The following GSDME variants were observed in gnomAD, a reference collection of about 807,000 sequenced individuals.
GSDME encodes the protein gasdermin E.
GSDME carries 44 observed loss-of-function variants against 47.5 expected under a neutral mutation model. The observed-to-expected ratio is 0.93, with a 90% CI of 0.73 to 1.19. The LOEUF (loss-of-function observed/expected upper bound fraction) is 1.19. Ranked by LOEUF, GSDME falls within the 50% of genes most tolerant of loss-of-function variation. The pLI is 0.00. For synonymous variants in GSDME, 258 were observed against 252.8 expected, an observed-to-expected ratio of 1.02 and a Z score of -0.20; for missense variants, 663 against 604.2, an observed-to-expected ratio of 1.10 and a Z score of -1.02.
At chr7:24,793,038 T>G in the GSDME span, among the ~76,000 whole-genome samples, 1 of 152,196 alleles carries the variant, frequency 6.6e-6, no homozygotes, top group Non-Finnish European at 1.5e-5. Context: ...TTTGCACCTA[T>G]TTTTATTAGT....
intron 3 of GSDME, among the ~76,000 whole-genome samples, chr7:24,720,631 T>C (rs1789741503): frequency 6.6e-6 from 1 of 152,300 alleles, no homozygotes; most frequent in Non-Finnish European, 1.5e-5. Context: ...AGAAATGAAG[T>C]TGGGCCGGGC....
chr7:24,700,968 G>A lies in GSDME; in HGVS notation c.1258-1709C>T, dbSNP rs570991596. Among the ~76,000 whole-genome samples the A allele has an allele frequency of 8.5e-5, 13 of 152,312 alleles. No homozygotes were observed. The South Asian group carries it at 2.7e-3, about 32-fold the overall frequency. On this transcript the variant is annotated intron_variant, in intron 9 of 9. Transcript: ENST00000645220. ...TATAAGGGGGAAACGGTGACCCAGA[G>A]GGTGGTGGAGTGAAGTTAACATTCT...
the GSDME span, among the ~76,000 whole-genome samples, chr7:24,788,062 C>T: frequency 6.6e-6 from 1 of 152,162 alleles, no homozygotes; most frequent in East Asian, 1.9e-4. The surrounding 1 kb of genome is among the most constrained non-coding windows in gnomAD (Gnocchi z 4.6). Context: ...TAAATGGGAG[C>T]CAAAAGCACT....
rs35002301 is a variant in GSDME, at chr7:24,711,815, CAAA to C, written c.698-1430_698-1428del. Among the ~76,000 whole-genome samples, 242 of 97,054 alleles carry C rather than the reference CAAA, an allele frequency of 2.5e-3. 1 individual carries two copies. Among genetic ancestry groups the C allele is most frequent in the African/African-American group, 7.4e-3 (201 of 27,016 alleles). 63.7% of individuals were successfully genotyped at this position (97,054 alleles called of 152,430 possible). ...GGGCAATAGAGCAAGACCTTGTCTC[CAAA>C]AAAAAAAAAAAAAAAGGCAAAGAAA... On this transcript the variant is annotated intron_variant, in intron 5 of 9. Coordinates refer to ENST00000645220, the MANE Select transcript of GSDME (RefSeq NM_001127453.2).
At chr7:24,713,439 A>G (rs1305796351) in intron 5 of GSDME, among the ~76,000 whole-genome samples, 1 of 152,176 alleles carries the variant, frequency 6.6e-6, no homozygotes, top group Admixed American at 6.5e-5. Context: ...TCACTTTAAA[A>G]TATCTTAGGA....
the GSDME span, among the ~76,000 whole-genome samples, chr7:24,769,378 C>G: frequency 6.6e-6 from 1 of 152,158 alleles, no homozygotes; most frequent in Non-Finnish European, 1.5e-5. Context: ...CAGAAAAACT[C>G]CCCTCATTCT....
At chr7:24,765,274 C>A in the GSDME span, among the ~76,000 whole-genome samples, 2 of 152,132 alleles carry the variant, frequency 1.3e-5, no homozygotes, top group Non-Finnish European at 2.9e-5. Flanking sequence ...CGATACGGAT[C>A]CTTTCTTGTC....
the GSDME span, among the ~76,000 whole-genome samples, chr7:24,765,835 T>C: frequency 3.3e-5 from 5 of 152,236 alleles, no homozygotes; most frequent in Non-Finnish European, 7.3e-5. Flanking sequence ...CATTGGATCT[T>C]TGTACAACTC....
At chr7:24,707,327 C>T (rs75743828) in intron 7 of GSDME, 21,309 of 471,294 alleles carry the variant, frequency 0.045, 593 homozygotes, top group Non-Finnish European at 0.06. Flanking sequence ...AAAGGGAGGA[C>T]ACAGAATCTG....
intron 5 of GSDME, among the ~76,000 whole-genome samples, chr7:24,713,092 A>G (rs1007933642): frequency 6.6e-6 from 1 of 152,088 alleles, no homozygotes; most frequent in African/African-American, 2.4e-5. Context: ...CCTTCATAAG[A>G]AAATGAACAT....
At chr7:24,773,254 T>C in the GSDME span, among the ~76,000 whole-genome samples, 13,731 of 152,292 alleles carry the variant, frequency 0.09, 1,485 homozygotes, top group African/African-American at 0.25. This position sits in a 1 kb window ranked among gnomAD's most constrained non-coding sequence, Gnocchi z 5.4. Flanking sequence ...TGTTTGCTCT[T>C]ACATGGCTGT....
chr7:24,735,046 G>T lies in GSDME; in HGVS notation c.404+9516C>A, dbSNP rs1486296515. 1.3e-5 allele frequency among the ~76,000 whole-genome samples: 2 copies of T among 152,164 alleles called. No individual in the cohort carries two copies. Among genetic ancestry groups the T allele is most frequent in the African/African-American group, 4.8e-5 (2 of 41,446 alleles). Reference sequence around the variant, plus strand: ...CAAGGATAAAGAAAGGATCCTAAAAGCAGCAAGAAACTAACTGCATACAAT... The same window carrying T: ...CAAGGATAAAGAAAGGATCCTAAAATCAGCAAGAAACTAACTGCATACAAT... On this transcript the variant is annotated intron_variant, in intron 3 of 9. Transcript: ENST00000645220. This position sits in a 1 kb window ranked among gnomAD's most constrained non-coding sequence, Gnocchi z 4.4.
chr7:24,706,309 T>C lies in GSDME; in HGVS notation c.1058A>G (p.Gln353Arg). The C allele has an allele frequency of 6.2e-7, 1 of 1,613,980 alleles. No homozygotes were observed. The highest frequency in any genetic ancestry group is 2.2e-5 in the East Asian group (1 of 44,874). The part of the protein sequence containing the change: ...AVLGELKPRQ[Q>R]QDLVAFLQLV... ...CTGCAGGAAGGCCACAAGGTCCTGC[T>C]GCTGCCGGGGCTTCAGCTCCCCCAG... Residue 353 changes from glutamine (Q) to arginine (R), a missense_variant, in exon 8 of 10, where the codon CAG becomes CGG. Gln to Arg is a conservative substitution (Grantham distance 43, BLOSUM62 1). Coordinates refer to ENST00000645220, the MANE Select transcript of GSDME (RefSeq NM_001127453.2).
At position 24,713,204 on chromosome 7, in the gene GSDME, A is replaced by T. The variant is rs536710381; in HGVS notation, c.698-2816T>A. Among the ~76,000 whole-genome samples the T allele has an allele frequency of 5.9e-5, 9 of 152,320 alleles. No individual in the cohort carries two copies. The South Asian group carries it at 1.9e-3, about 32-fold the overall frequency. ...CATATGATGGAAAGGCCATTCATCC[A>T]GGAACTCAGCAAGGCCTGTCTCTTC... On this transcript the variant is annotated intron_variant, in intron 5 of 9. Coordinates refer to ENST00000645220, the MANE Select transcript of GSDME (RefSeq NM_001127453.2).
chr7:24,779,731 C>T, the GSDME span, among the ~76,000 whole-genome samples: 1 of 152,194 alleles, frequency 6.6e-6, no homozygotes, highest in African/African-American at 2.4e-5. This position sits in a 1 kb window ranked among gnomAD's most constrained non-coding sequence, Gnocchi z 6.0. Context: ...CACCATCTCT[C>T]GCTGCCATCC....
intron 6 of GSDME, 115 bp downstream of exon 6, chr7:24,710,109 A>G (rs898535903): frequency 1.0e-5 from 12 of 1,183,670 alleles, no homozygotes; most frequent in Admixed American, 1.7e-5. Flanking sequence ...CTCTCTTCTC[A>G]TATGTTTTCT....
intron 1 of GSDME, 78 bp from the exon 2 acceptor site, chr7:24,749,871 C>T: frequency 1.1e-6 from 1 of 913,486 alleles, no homozygotes; most frequent in Non-Finnish European, 1.8e-6. Flanking sequence ...TACTGTATTT[C>T]TCCCTATTCA....
At chr7:24,738,953 C>G (rs1459238392) in intron 3 of GSDME, among the ~76,000 whole-genome samples, 1 of 152,108 alleles carries the variant, frequency 6.6e-6, no homozygotes. Flanking sequence ...AAACTAGACC[C>G]TATCTCTCAC....
At chr7:24,702,628 A>ATACTT in intron 9 of GSDME, 132 bp downstream of exon 9, 1 of 757,024 alleles carries the variant, frequency 1.3e-6, no homozygotes, top group South Asian at 1.4e-5. Flanking sequence ...GTTAATAACA[A>ATACTT]TACTTACTTA....
Sources: gnomAD v4.1 joint callset for allele counts (sites outside exome capture counted in the v4.1 genomes callset) on GRCh38, gnomAD v4.1.1 for gene constraint, Gnocchi (gnomAD v3.1) non-coding constraint, MANE v1.5 for transcripts, NCBI Gene and HGNC (gene_info 2026-07-23, HGNC 2026-07-21) for gene names.